The following SMYD3 variants were observed in gnomAD, a reference collection of about 807,000 sequenced individuals.
SMYD3 encodes the protein SET and MYND domain containing 3, also known as histone-lysine N-methyltransferase SMYD3.
In SMYD3, 36 loss-of-function variants were observed where a neutral mutation model predicts 57.7. The ratio of observed to expected loss-of-function variants is 0.62; its 90% CI spans 0.48 to 0.82. SMYD3 has a LOEUF of 0.82. SMYD3 is among the 40% of genes least tolerant of loss of function. The pLI, the probability that SMYD3 is intolerant of heterozygous loss-of-function variation, is 0.00. For synonymous variants in SMYD3, 211 were observed against 195.0 expected (o/e 1.08, Z -0.68); for missense variants, 515 against 538.8 (o/e 0.96, Z 0.44).
intron 1 of SMYD3, among the ~76,000 whole-genome samples, chr1:246,393,799 G>A (rs1002443717): frequency 4.6e-5 from 7 of 152,006 alleles, no homozygotes; most frequent in African/African-American, 1.7e-4. Flanking sequence ...AGGCTGCCGT[G>A]TGCCAAGATC....
chr1:246,009,064 T>C (rs1340849403), intron 5 of SMYD3, among the ~76,000 whole-genome samples: 1 of 152,164 alleles, frequency 6.6e-6, no homozygotes, highest in African/African-American at 2.4e-5. Context: ...ATGAAACGAC[T>C]GGCCCATAGT....
chr1:246,390,528 T>G (rs2066543577), intron 1 of SMYD3, among the ~76,000 whole-genome samples: 1 of 152,302 alleles, frequency 6.6e-6, no homozygotes, highest in South Asian at 2.1e-4. Context: ...CATCCTGTAA[T>G]CCTTAAAGCA....
At chr1:246,181,936 C>G (rs6682999) in intron 5 of SMYD3, among the ~76,000 whole-genome samples, 14,460 of 152,068 alleles carry the variant, frequency 0.095, 942 homozygotes, top group South Asian at 0.23. Flanking sequence ...CCAATGATCA[C>G]GTAGAGATAA....
intron 5 of SMYD3, among the ~76,000 whole-genome samples, chr1:246,206,032 T>C (rs908906291): frequency 2.0e-5 from 3 of 152,156 alleles, no homozygotes; most frequent in African/African-American, 7.2e-5. Context: ...CAGCTGAGGC[T>C]TTCCCTGATG....
At chr1:246,347,321 T>C (rs966114812) in intron 2 of SMYD3, among the ~76,000 whole-genome samples, 3 of 152,010 alleles carry the variant, frequency 2.0e-5, no homozygotes, top group East Asian at 3.9e-4. Flanking sequence ...AAACCACAGA[T>C]CCAGGAAACT....
chr1:245,961,858 G>A (rs1273260052), intron 5 of SMYD3, among the ~76,000 whole-genome samples: 1 of 152,106 alleles, frequency 6.6e-6, no homozygotes, highest in Non-Finnish European at 1.5e-5. Context: ...CCATCACCTC[G>A]TCCTTTTAAC....
At chr1:246,266,894 T>TAA (rs146236938) in intron 5 of SMYD3, among the ~76,000 whole-genome samples, 1 of 148,808 alleles carries the variant, frequency 6.7e-6, no homozygotes, top group Non-Finnish European at 1.5e-5. Context: ...TGATCCCAAG[T>TAA]AAAAAAAAAA....
At chr1:246,372,765 C>T (rs1002638489) in intron 1 of SMYD3, among the ~76,000 whole-genome samples, 1 of 152,074 alleles carries the variant, frequency 6.6e-6, no homozygotes, top group Non-Finnish European at 1.5e-5. Context: ...CCGAGGCAGG[C>T]GGGTCACCTG....
At chr1:246,136,354 A>G (rs904665914) in intron 5 of SMYD3, among the ~76,000 whole-genome samples, 3 of 152,202 alleles carry the variant, frequency 2.0e-5, no homozygotes, top group Non-Finnish European at 4.4e-5. Flanking sequence ...CAGATTTTAA[A>G]GTTGAAAGAA....
chr1:246,233,788 T>C (rs71533463), intron 5 of SMYD3, among the ~76,000 whole-genome samples: 2 of 100,800 alleles, frequency 2.0e-5, no homozygotes, highest in Non-Finnish European at 4.0e-5. Flanking sequence ...CTCCTTCAAT[T>C]CACACTGTGA....
At chr1:246,131,844 A>G (rs867367324) in intron 5 of SMYD3, among the ~76,000 whole-genome samples, 1 of 152,174 alleles carries the variant, frequency 6.6e-6, no homozygotes, top group Non-Finnish European at 1.5e-5. Flanking sequence ...AAAATACTTT[A>G]TATGAAACTA....
intron 5 of SMYD3, among the ~76,000 whole-genome samples, chr1:245,971,970 T>C (rs1384684217): frequency 2.0e-5 from 3 of 152,132 alleles, no homozygotes; most frequent in Non-Finnish European, 2.9e-5. Flanking sequence ...AAGCAAACAC[T>C]ACGCTGTACA....
At chr1:246,147,001 G>C (rs1367189736) in intron 5 of SMYD3, among the ~76,000 whole-genome samples, 1 of 152,164 alleles carries the variant, frequency 6.6e-6, no homozygotes, top group Non-Finnish European at 1.5e-5. Context: ...AGGCGTGACA[G>C]TGTTCGGCAG....
chr1:246,021,127 CAGAG>C (rs2059463859), intron 5 of SMYD3, among the ~76,000 whole-genome samples: 1 of 152,160 alleles, frequency 6.6e-6, no homozygotes, highest in African/African-American at 2.4e-5. Context: ...ACCAATTTAA[CAGAG>C]AGAAGGAAAG....
At chr1:246,299,297 C>A (rs898857787) in intron 5 of SMYD3, among the ~76,000 whole-genome samples, 2 of 152,024 alleles carry the variant, frequency 1.3e-5, no homozygotes, top group African/African-American at 4.8e-5. Context: ...CAAAGAGATA[C>A]CATCTCATAG....
intron 1 of SMYD3, among the ~76,000 whole-genome samples, chr1:246,387,369 C>T (rs999837830): frequency 6.6e-6 from 1 of 152,186 alleles, no homozygotes; most frequent in Non-Finnish European, 1.5e-5. Flanking sequence ...ATATGCAAAA[C>T]ATTTAATGTA....
intron 10 of SMYD3, among the ~76,000 whole-genome samples, chr1:245,856,882 A>G (rs2148472286): frequency 6.6e-6 from 1 of 152,162 alleles, no homozygotes; most frequent in East Asian, 1.9e-4. Context: ...GAGTTTATCC[A>G]CTCACCCAGA....
chr1:245,894,415 C>G (rs1470700445), intron 8 of SMYD3, among the ~76,000 whole-genome samples: 1 of 152,088 alleles, frequency 6.6e-6, no homozygotes, highest in East Asian at 1.9e-4. Flanking sequence ...CGGAAACCCG[C>G]TCAGGTCCCC....
chr1:246,362,037 C>A (rs929388852), intron 1 of SMYD3, among the ~76,000 whole-genome samples: 1 of 152,094 alleles, frequency 6.6e-6, no homozygotes, highest in Non-Finnish European at 1.5e-5. Flanking sequence ...TGCTGTGGTA[C>A]GCACCCCCAG....
Sources: gnomAD v4.1 joint callset for allele counts (sites outside exome capture counted in the v4.1 genomes callset) on GRCh38, gnomAD v4.1.1 for gene constraint, MANE v1.5 for transcripts, NCBI Gene and HGNC (gene_info 2026-07-23, HGNC 2026-07-21) for gene names.